The following FGGY variants were observed in gnomAD, a reference collection of about 807,000 sequenced individuals.
FGGY encodes the protein FGGY carbohydrate kinase domain-containing protein.
In FGGY, 72 loss-of-function variants were observed where a neutral mutation model predicts 71.3. The observed-to-expected ratio is 1.01, with a 90% CI of 0.84 to 1.23. The LOEUF (loss-of-function observed/expected upper bound fraction) is 1.23, where lower values mean the gene tolerates loss of function less well. FGGY is among the 50% of genes most tolerant of loss of function. FGGY has a pLI of 0.00. For missense variants in FGGY, 668 were observed against 682.3 expected (o/e 0.98, Z 0.23); for synonymous variants, 251 against 250.3 (o/e 1.00, Z -0.02).
At chr1:59,638,480 C>CAAGACAGCGAGGCTCCATCT in intron 11 of FGGY, 105 bp downstream of exon 11, 1 of 1,358,676 alleles carries the variant, frequency 7.4e-7, no homozygotes, top group South Asian at 1.3e-5. Context: ...ATAAAACAGG[C>CAAGACAGCGAGGCTCCATCT]CAACAGCCCT....
intron 1 of FGGY, among the ~76,000 whole-genome samples, chr1:59,319,379 A>T (rs977542588): frequency 6.6e-6 from 1 of 152,234 alleles, no homozygotes; most frequent in Non-Finnish European, 1.5e-5. Flanking sequence ...GGAGCTTGGG[A>T]TACAGAAATC....
chr1:59,323,214 A>T (rs1227207974), intron 2 of FGGY, among the ~76,000 whole-genome samples: 1 of 152,166 alleles, frequency 6.6e-6, no homozygotes, highest in Non-Finnish European at 1.5e-5. Context: ...TAAGGAAATT[A>T]TCAAGAAGAA....
intron 5 of FGGY, among the ~76,000 whole-genome samples, chr1:59,383,338 A>T (rs1191125811): frequency 6.6e-6 from 1 of 152,190 alleles, no homozygotes; most frequent in Admixed American, 6.5e-5. Context: ...CAGAATATAC[A>T]TGAAGGTAGG....
chr1:59,506,313 G>T (rs1282235299), intron 6 of FGGY, among the ~76,000 whole-genome samples: 4 of 149,408 alleles, frequency 2.7e-5, no homozygotes, highest in South Asian at 4.2e-4. Flanking sequence ...GGAAGTTTAT[G>T]TGCTTACATT....
chr1:59,608,696 G>A (rs1338299520), intron 9 of FGGY, among the ~76,000 whole-genome samples: 3 of 152,070 alleles, frequency 2.0e-5, no homozygotes, highest in Admixed American at 6.5e-5. Flanking sequence ...AGCTGGGCTC[G>A]ATGGCAGGCG....
chr1:59,679,590 G>T (rs1244513260), intron 14 of FGGY, among the ~76,000 whole-genome samples: 1 of 150,892 alleles, frequency 6.6e-6, no homozygotes, highest in Non-Finnish European at 1.5e-5. Context: ...CATTGATCTT[G>T]TTATCCTAAA....
chr1:59,476,970 A>T (rs920865566), intron 6 of FGGY, among the ~76,000 whole-genome samples: 1 of 152,222 alleles, frequency 6.6e-6, no homozygotes, highest in Non-Finnish European at 1.5e-5. Flanking sequence ...GCAAAGCTTC[A>T]TGTGCCTTAA....
chr1:59,406,286 A>G (rs2062739409), intron 5 of FGGY, among the ~76,000 whole-genome samples: 1 of 151,918 alleles, frequency 6.6e-6, no homozygotes. Flanking sequence ...ATGGCAAATA[A>G]CACAACACCC....
At chr1:59,440,516 G>C (rs559374798) in intron 5 of FGGY, among the ~76,000 whole-genome samples, 1 of 151,766 alleles carries the variant, frequency 6.6e-6, no homozygotes, top group South Asian at 2.1e-4. Context: ...GTCTTCCTAT[G>C]CAAAAATAAA....
At chr1:59,671,470 C>T (rs577437668) in intron 13 of FGGY, among the ~76,000 whole-genome samples, 1 of 152,242 alleles carries the variant, frequency 6.6e-6, no homozygotes, top group South Asian at 2.1e-4. Flanking sequence ...AAGGATGAAA[C>T]CAGAGGGCAG....
rs753781322 is a variant in FGGY at position 59,758,016 on chromosome 1, A to G, written c.1574+24A>G. On this transcript the variant is annotated intron_variant, in intron 15 of 15. Coordinates refer to ENST00000303721, the MANE Select transcript of FGGY (RefSeq NM_018291.5). ...AAGTAAGTGTGTATTTTTTATATGT[A>G]CAGTGCTAAGGAAGTGAGCACATAC... is the stretch of plus-strand genomic sequence containing the variant. The G allele has an allele frequency of 5.1e-6, 8 of 1,568,480 alleles. No homozygotes were observed. The East Asian group carries it at 1.8e-4, about 35-fold the overall frequency.
intron 11 of FGGY, among the ~76,000 whole-genome samples, chr1:59,649,037 T>C (rs1250159122): frequency 6.6e-6 from 1 of 151,592 alleles, no homozygotes; most frequent in Admixed American, 6.6e-5. Flanking sequence ...TTTTCTCAGG[T>C]TTGTCAAAGA....
At chr1:59,537,080 T>A (rs994843375) in intron 7 of FGGY, among the ~76,000 whole-genome samples, 1 of 151,370 alleles carries the variant, frequency 6.6e-6, no homozygotes, top group East Asian at 1.9e-4. Context: ...GATGACATGA[T>A]TGTATATCTA....
intron 10 of FGGY, among the ~76,000 whole-genome samples, chr1:59,635,294 C>G (rs549092085): frequency 1.3e-5 from 2 of 152,214 alleles, no homozygotes; most frequent in South Asian, 4.1e-4. Context: ...AATAAACATA[C>G]AGCTGCAAGG....
intron 14 of FGGY, among the ~76,000 whole-genome samples, chr1:59,744,162 C>T (rs2101483951): frequency 6.6e-6 from 1 of 152,286 alleles, no homozygotes; most frequent in East Asian, 1.9e-4. Context: ...GTAATTATTT[C>T]TATTACTTCT....
intron 1 of FGGY, among the ~76,000 whole-genome samples, chr1:59,298,345 A>AG (rs1205182866): frequency 6.6e-6 from 1 of 151,698 alleles, no homozygotes; most frequent in Admixed American, 6.6e-5. Context: ...AACAGATCAG[A>AG]GGGGGTCAGC....
intron 5 of FGGY, among the ~76,000 whole-genome samples, chr1:59,448,304 C>G (rs1377792054): frequency 6.6e-6 from 1 of 152,028 alleles, no homozygotes; most frequent in Non-Finnish European, 1.5e-5. Flanking sequence ...TAATCAGAAG[C>G]CTCTTTTTGT....
chr1:59,601,105 A>T (rs1451301899), intron 8 of FGGY, among the ~76,000 whole-genome samples: 1 of 151,898 alleles, frequency 6.6e-6, no homozygotes, highest in African/African-American at 2.4e-5. Context: ...CCACCATGGA[A>T]ATACCCGGTC....
At chr1:59,699,531 G>T in intron 14 of FGGY, 1 of 498,320 alleles carries the variant, frequency 2.0e-6, no homozygotes, top group Non-Finnish European at 2.6e-6. Flanking sequence ...GGTCATTGGG[G>T]CTGATGGAGA....
Sources: allele counts gnomAD v4.1 joint callset (sites outside exome capture counted in the v4.1 genomes callset), GRCh38; gene constraint gnomAD v4.1.1; transcripts MANE v1.5; gene names NCBI Gene and HGNC (gene_info 2026-07-23, HGNC 2026-07-21).